Variants in PLEC observed in about 807,000 individuals in gnomAD.
PLEC encodes hemidesmosomal protein 1.
A neutral mutation model predicts 392.8 loss-of-function variants in PLEC; 216 were observed. The ratio of observed to expected loss-of-function variants is 0.55; its 90% CI spans 0.49 to 0.62. The LOEUF (loss-of-function observed/expected upper bound fraction) is 0.62. PLEC is among the 20% of genes least tolerant of loss of function. The pLI is 0.00. For synonymous variants in PLEC, 3,621 were observed against 2,980.6 expected (o/e 1.21, Z -7.00); for missense variants, 6,863 against 6,563.4 (o/e 1.05, Z -1.58).
chr8:143,932,615 C>T lies in PLEC; in HGVS notation c.1815+20G>A. The stretch of plus-strand genomic sequence containing the variant: ...GCCGCGGGCTACCCACCTCCCCCGG[C>T]TGGCCCTGCCCCCACTCACCAGCAG... On this transcript the variant is annotated intron_variant, in intron 15 of 31. Coordinates refer to ENST00000345136, the MANE Select transcript of PLEC (RefSeq NM_201384.3). 6.2e-7 allele frequency: 1 copy of T among 1,611,240 alleles called. No individual in the cohort carries two copies. Among genetic ancestry groups the T allele is most frequent in the Non-Finnish European group, 8.5e-7 (1 of 1,179,320 alleles).
upstream of PLEC, among the ~76,000 whole-genome samples, chr8:143,954,911 C>T (rs1178896180): frequency 1.3e-5 from 2 of 152,212 alleles, no homozygotes; most frequent in Non-Finnish European, 2.9e-5. This position sits in a 1 kb window ranked among gnomAD's most constrained non-coding sequence, Gnocchi z 4.6. Flanking sequence ...AAGTCCTTCC[C>T]CTCCTGTAAA....
chr8:143,960,919 C>A (rs1832841261), intron 1 of PLEC, among the ~76,000 whole-genome samples: 2 of 152,216 alleles, frequency 1.3e-5, no homozygotes, highest in African/African-American at 4.8e-5. Flanking sequence ...CCATTCTGCC[C>A]CTGCTTTCCC....
chr8:143,936,658 G>A (rs141717948), intron 5 of PLEC, among the ~76,000 whole-genome samples: 1 of 152,216 alleles, frequency 6.6e-6, no homozygotes, highest in Non-Finnish European at 1.5e-5. Context: ...AGCAGCGGGT[G>A]AGTCAGCCTG....
Position 143,930,354 on chromosome 8 carries a change from C to T in PLEC, c.2457+30G>A, listed in dbSNP as rs375894993. On this transcript the variant is annotated intron_variant, in intron 20 of 31. Transcript: ENST00000345136. The stretch of plus-strand genomic sequence containing the variant: ...CCACACCCTGCCCTGCCTGGCCACG[C>T]CCCCCAGTGGACCCCCGGCCTGCGC... 28 of 1,579,598 alleles carry T rather than the reference C, an allele frequency of 1.8e-5. No individual in the cohort carries two copies. In the Admixed American group the frequency reaches 2.5e-4, roughly 14 times the overall value.
In PLEC at chr8:143,935,900, T is replaced by A; in HGVS notation, c.550A>T (p.Thr184Ser). The A allele has an allele frequency of 6.2e-7, 1 of 1,612,666 alleles. No homozygotes were observed. Residue 184 changes from threonine (T) to serine (S), a missense_variant, in exon 6 of 32, where the codon ACC becomes TCC. By Grantham distance (58) the Thr-to-Ser change is moderately conservative. Coordinates refer to ENST00000345136, the MANE Select transcript of PLEC (RefSeq NM_201384.3). Reference sequence around the variant, plus strand: ...AGGCGGCCGTCTCTCCAGCTGGAGGTGAAGTTGTCGCATCGCAGGCCCTGG... The same window carrying A: ...AGGCGGCCGTCTCTCCAGCTGGAGGAGAAGTTGTCGCATCGCAGGCCCTGG... The part of the protein sequence containing the change: ...GYQGLRCDNF[T>S]SSWRDGRLFN...
At chr8:143,962,707 G>A (rs1292860780) in intron 1 of PLEC, among the ~76,000 whole-genome samples, 7 of 152,204 alleles carry the variant, frequency 4.6e-5, no homozygotes, top group African/African-American at 1.2e-4. Context: ...GCGAAACTTC[G>A]CCGAACTGTG....
chr8:143,952,139 G>A (rs1054943207), upstream of PLEC, among the ~76,000 whole-genome samples: 1 of 152,048 alleles, frequency 6.6e-6, no homozygotes, highest in Admixed American at 6.5e-5. Context: ...TGTGGGGGCG[G>A]GTTTATGGGG....
rs781867655 is a variant in PLEC at position 143,916,233 on chromosome 8, G to A, written c.13588C>T (p.Arg4530Cys). ...GAGGCCGAGGACCCCGAGGCGTAGC[G>A]GCGGCCGTAGCCCGAGGAGGAGTAG... ...SSYSSSGYGRRYASGSSASLG... is the reference protein window; with the variant it reads ...SSYSSSGYGRCYASGSSASLG... The change falls in exon 32 of 32, where the codon CGC (arginine) becomes TGC (cysteine). Residue 4530 changes from arginine to cysteine, a missense_variant. Arg to Cys is a radical substitution (Grantham distance 180, BLOSUM62 -3). Coordinates refer to ENST00000345136, the MANE Select transcript of PLEC (RefSeq NM_201384.3). 9.1e-6 allele frequency: 14 copies of A among 1,546,470 alleles called. No individual in the cohort carries two copies. Among genetic ancestry groups the A allele is most frequent in the Admixed American group, 2.0e-5 (1 of 50,934 alleles).
intron 25 of PLEC, 28 bp downstream of exon 25, chr8:143,929,075 C>G: frequency 6.4e-7 from 1 of 1,550,958 alleles, no homozygotes; most frequent in South Asian, 1.2e-5. Flanking sequence ...CCGACCCCAG[C>G]CCCTCGCCTG....
At chr8:143,935,345 G>A in intron 6 of PLEC, 32 bp from the exon 7 acceptor site, 1 of 1,498,174 alleles carries the variant, frequency 6.7e-7, no homozygotes, top group Non-Finnish European at 9.2e-7. Context: ...TCAGGTGGGT[G>A]GGACAAGACC....
chr8:143,934,643 A>G lies in PLEC; in HGVS notation c.1033T>C (p.Ser345Pro). Reference sequence around the variant, plus strand: ...CCAGCGGTCCCACTCACCTCCAGGGATTGGTAGATGCCCTTGGACCTGTTC... The same window carrying G: ...CCAGCGGTCCCACTCACCTCCAGGGGTTGGTAGATGCCCTTGGACCTGTTC... ...DKNRSKGIYQSLEGAVQAGQL... is the reference protein window; with the variant it reads ...DKNRSKGIYQPLEGAVQAGQL... Residue 345 changes from serine to proline, a missense_variant, in exon 10 of 32, where the codon TCC becomes CCC. Physicochemically the swap from Ser to Pro is moderately conservative, Grantham distance 74. Coordinates refer to ENST00000345136, the MANE Select transcript of PLEC (RefSeq NM_201384.3). 6.2e-7 allele frequency: 1 copy of G among 1,612,804 alleles called. No individual in the cohort carries two copies. Among genetic ancestry groups the G allele is most frequent in the Middle Eastern group, 1.6e-4 (1 of 6,062 alleles).
At chr8:143,935,391 C>T in intron 6 of PLEC, 78 bp from the exon 7 acceptor site, 1 of 939,400 alleles carries the variant, frequency 1.1e-6, no homozygotes. Flanking sequence ...CACAGGCCGG[C>T]TCCTCACACA....
chr8:143,916,090 A>G lies in PLEC; in HGVS notation c.*87T>C. The G allele has an allele frequency of 1.2e-6, 1 of 868,724 alleles. No individual in the cohort carries two copies. The highest frequency in any genetic ancestry group is 3.0e-5 in the Admixed American group (1 of 33,408). The allele number at this position is 868,724 out of a possible 1,614,324, so 53.8% of individuals were successfully genotyped here. ...AAACTTTAGGCACCACTTGGGAGGA[A>G]GACACCTTTAAGCGTTGAAAACGGC... On this transcript the variant is annotated 3_prime_UTR_variant, in exon 32 of 32. Transcript: ENST00000345136.
At position 143,926,511 on chromosome 8, in the gene PLEC, G is replaced by A. The variant is rs913677296; in HGVS notation, c.4044+273C>T. On this transcript the variant is annotated intron_variant, in intron 30 of 31. Coordinates refer to ENST00000345136, the MANE Select transcript of PLEC (RefSeq NM_201384.3). ...AACGCCAAGGAAGAGCCCACAGGAC[G>A]GCCGCTAGGCTGCAGGGGGGACGCT... Among the ~76,000 whole-genome samples the A allele has an allele frequency of 5.3e-5, 8 of 152,318 alleles. No individual in the cohort carries two copies. The South Asian group carries it at 8.3e-4, about 16-fold the overall frequency.
Position 143,924,176 on chromosome 8 carries a change from C to A in PLEC, c.5753G>T (p.Arg1918Met), listed in dbSNP as rs1264990363. 5 of 1,598,894 alleles carry A rather than the reference C, an allele frequency of 3.1e-6. No individual in the cohort carries two copies. Among genetic ancestry groups the A allele is most frequent in the Non-Finnish European group, 3.4e-6 (4 of 1,179,548 alleles). The part of the protein sequence containing the change: ...RQKGLVEDTL[R>M]QRRQVEEEIL... ...CTCCTCCTCCACCTGCCGCCGCTGC[C>A]TCAGCGTGTCCTCCACCAGCCCCTT... Residue 1918 changes from arginine to methionine, a missense_variant, in exon 31 of 32, where the codon AGG (arginine) becomes ATG (methionine). Physicochemically the swap from Arg to Met is moderately conservative, Grantham distance 91. Transcript: ENST00000345136.
chr8:143,966,768 G>A (rs1197607024), intron 1 of PLEC, among the ~76,000 whole-genome samples: 6 of 152,166 alleles, frequency 3.9e-5, no homozygotes, highest in Non-Finnish European at 7.3e-5. Flanking sequence ...CAGCCCCTGC[G>A]TCAGGAAGCC....
At position 143,949,556 on chromosome 8, in the gene PLEC, G is replaced by T. The variant is rs56015234; in HGVS notation, c.523+628C>A. 1.3e-3 allele frequency among the ~76,000 whole-genome samples: 203 copies of T among 152,246 alleles called. 1 individual carries two copies. Among genetic ancestry groups the T allele is most frequent in the African/African-American group, 4.6e-3 (191 of 41,528 alleles). ...CGGGAAAGGCCTATCTAGGCCCCAGGCTGGGCCAGCAGACACCACACCACA... is the reference window on the plus strand; with the variant it reads ...CGGGAAAGGCCTATCTAGGCCCCAGTCTGGGCCAGCAGACACCACACCACA... On this transcript the variant is annotated intron_variant, in intron 1 of 31. Transcript: ENST00000322810.
In PLEC at chr8:143,920,281, G is replaced by A. The variant is rs1554681234; in HGVS notation, c.9540C>T (p.Ala3180=). 6.3e-7 allele frequency: 1 copy of A among 1,594,232 alleles called. No individual in the cohort carries two copies. The highest frequency in any genetic ancestry group is 8.5e-7 in the Non-Finnish European group (1 of 1,176,220). Residue 3180 remains alanine, a synonymous_variant, in exon 32 of 32, where the codon GCC becomes GCT. Coordinates refer to ENST00000345136, the MANE Select transcript of PLEC (RefSeq NM_201384.3). The part of the protein sequence containing the change: ...ALSAPRADAK[A]YSDPSTGEPA... The stretch of plus-strand genomic sequence containing the variant: ...GCTCCCCTGTGCTGGGGTCACTGTA[G>A]GCCTTGGCGTCGGCCCTTGGTGCCG...
chr8:143,936,514 T>A (rs2132154351), intron 5 of PLEC, among the ~76,000 whole-genome samples: 1 of 152,260 alleles, frequency 6.6e-6, no homozygotes, highest in East Asian at 1.9e-4. Flanking sequence ...CTCAGTGGCA[T>A]GCTCAGGCCA....
Sources: allele counts gnomAD v4.1 joint callset (sites outside exome capture counted in the v4.1 genomes callset), GRCh38; gene constraint gnomAD v4.1.1; non-coding constraint Gnocchi (gnomAD v3.1); transcripts MANE v1.5; gene names NCBI Gene and HGNC (gene_info 2026-07-23, HGNC 2026-07-21).